BMPER: variants seen among roughly 807,000 people sequenced by gnomAD.
BMPER encodes BMP binding endothelial regulator, also known as BMP-binding endothelial regulator protein.
In BMPER, 45 loss-of-function variants were observed where a neutral mutation model predicts 87.3. The ratio of observed to expected loss-of-function variants is 0.52; its 90% confidence interval spans 0.41 to 0.66. The LOEUF is 0.66. Among genes scored for constraint, BMPER ranks in the 30% least tolerant of loss-of-function variants. BMPER has a pLI of 0.00. For missense variants in BMPER, 784 were observed against 867.5 expected (o/e 0.90, Z 1.21); for synonymous variants, 326 against 316.2 (o/e 1.03, Z -0.33).
chr7:33,954,453 C>T (rs962252538), intron 3 of BMPER, among the ~76,000 whole-genome samples: 3 of 152,090 alleles, frequency 2.0e-5, no homozygotes, highest in African/African-American at 7.2e-5. Context: ...GTTGATATCA[C>T]ATTAGTTGCC....
At chr7:33,974,218 G>A (rs543261639) in intron 5 of BMPER, among the ~76,000 whole-genome samples, 51 of 152,276 alleles carry the variant, frequency 3.3e-4, no homozygotes, top group African/African-American at 1.1e-3. Flanking sequence ...TACTTTGTAG[G>A]ATCATTGGGG....
intron 10 of BMPER, among the ~76,000 whole-genome samples, chr7:34,061,476 A>C (rs1056071362): frequency 6.6e-6 from 1 of 152,362 alleles, no homozygotes; most frequent in South Asian, 2.1e-4. Flanking sequence ...TTCTGAAACA[A>C]GAAATCTGAC....
At chr7:34,028,632 T>TTTTTTTTTTA (rs1554307073) in intron 6 of BMPER, among the ~76,000 whole-genome samples, 1 of 136,586 alleles carries the variant, frequency 7.3e-6, no homozygotes, top group African/African-American at 2.9e-5. Flanking sequence ...TTTTTTTTTT[T>TTTTTTTTTTA]TGTAGCATTA....
intron 6 of BMPER, among the ~76,000 whole-genome samples, chr7:33,994,524 G>A (rs1012562251): frequency 2.0e-5 from 3 of 152,262 alleles, no homozygotes; most frequent in East Asian, 1.9e-4. Context: ...ACTGTCTGGC[G>A]CTCCCTAGTG....
At chr7:34,091,420 T>C (rs922729778) in intron 13 of BMPER, among the ~76,000 whole-genome samples, 1 of 152,242 alleles carries the variant, frequency 6.6e-6, no homozygotes. Flanking sequence ...TGGGATGTTT[T>C]ATTTTAAAGT....
rs141630417 is a variant in BMPER at position 33,934,139 on chromosome 7, G to A, written c.220-3150G>A. ...GAGGGAGTCCTGAAGGCATGGCTTTGCGTGTGCCACTTCTCTCCAGAGCCA... is the reference window on the plus strand; with the variant it reads ...GAGGGAGTCCTGAAGGCATGGCTTTACGTGTGCCACTTCTCTCCAGAGCCA... On this transcript the variant is annotated intron_variant, in intron 2 of 14. Coordinates refer to ENST00000649409, the MANE Select transcript of BMPER (RefSeq NM_001365308.1). Among the ~76,000 whole-genome samples, 538 of 152,334 alleles carry A rather than the reference G, an allele frequency of 3.5e-3. 1 individual carries two copies. The highest frequency in any genetic ancestry group is 6.1e-3 in the Non-Finnish European group (417 of 68,032).
At position 33,965,101 on chromosome 7, in the gene BMPER, G is replaced by A. The variant is rs547464331; in HGVS notation, c.320-1378G>A. 5.3e-5 allele frequency among the ~76,000 whole-genome samples: 8 copies of A among 152,254 alleles called. No individual in the cohort carries two copies. In the East Asian group the frequency reaches 1.4e-3, roughly 26 times the overall value. On this transcript the variant is annotated intron_variant, in intron 3 of 14. Transcript: ENST00000649409. The stretch of plus-strand genomic sequence containing the variant: ...ATTTACTGTATTCATTCTCGATTTG[G>A]CATAAGTATTTGTAGTGTGCTAGGG...
intron 13 of BMPER, among the ~76,000 whole-genome samples, chr7:34,141,019 A>G (rs1387177436): frequency 6.6e-6 from 1 of 152,078 alleles, no homozygotes; most frequent in Non-Finnish European, 1.5e-5. Flanking sequence ...TGAAGTAGGA[A>G]TGGGATTACA....
intron 6 of BMPER, among the ~76,000 whole-genome samples, chr7:34,024,307 G>T (rs554436268): frequency 8.0e-6 from 1 of 125,498 alleles, no homozygotes; most frequent in South Asian, 2.8e-4. Flanking sequence ...GTAGTGAGCT[G>T]AGATTGCACC....
intron 6 of BMPER, among the ~76,000 whole-genome samples, chr7:33,998,683 C>T (rs995470273): frequency 6.6e-6 from 1 of 152,186 alleles, no homozygotes; most frequent in African/African-American, 2.4e-5. Context: ...GAATGGTGAG[C>T]TGGGCTGTTG....
At chr7:34,103,588 C>G (rs75131609) in intron 13 of BMPER, among the ~76,000 whole-genome samples, 3,482 of 152,232 alleles carry the variant, frequency 0.023, 121 homozygotes, top group African/African-American at 0.078. Context: ...GCCACTTCTC[C>G]CATTCCTCCT....
At position 34,014,039 on chromosome 7, in the gene BMPER, C is replaced by T. The variant is rs190140545; in HGVS notation, c.577-32267C>T. ...CCTCTTCTCTGATTACTTTGCCCAT[C>T]AGGGTAAGGACCCTCTCTGTAATTG... On this transcript the variant is annotated intron_variant, in intron 6 of 14. Coordinates refer to ENST00000649409, the MANE Select transcript of BMPER (RefSeq NM_001365308.1). Among the ~76,000 whole-genome samples the T allele has an allele frequency of 2.6e-5, 4 of 152,076 alleles. No individual in the cohort carries two copies. In the East Asian group the frequency reaches 5.8e-4, roughly 22 times the overall value.
rs1178599226 is a variant in BMPER, at chr7:33,905,607, G to C, written c.-7G>C. On this transcript the variant is annotated 5_prime_UTR_variant, in exon 1 of 15. Coordinates refer to ENST00000649409, the MANE Select transcript of BMPER (RefSeq NM_001365308.1). Reference sequence around the variant, plus strand: ...CTGCAGTCGCCAGGGATTCCCTCCAGGTGACGATGCTCTGGTTCTCCGGCG... The same window carrying C: ...CTGCAGTCGCCAGGGATTCCCTCCACGTGACGATGCTCTGGTTCTCCGGCG... 2 of 1,612,084 alleles carry C rather than the reference G, an allele frequency of 1.2e-6. No homozygotes were observed. The highest frequency in any genetic ancestry group is 8.5e-7 in the Non-Finnish European group (1 of 1,179,868).
intron 2 of BMPER, among the ~76,000 whole-genome samples, chr7:33,909,964 C>T (rs139592937): frequency 1.7e-3 from 260 of 152,274 alleles, no homozygotes; most frequent in Non-Finnish European, 2.6e-3. Flanking sequence ...ATTTATCATC[C>T]TCTGCGTAGA....
At chr7:33,978,618 G>A (rs1289650778) in intron 6 of BMPER, among the ~76,000 whole-genome samples, 1 of 152,124 alleles carries the variant, frequency 6.6e-6, no homozygotes, top group Non-Finnish European at 1.5e-5. Context: ...GTGGCAAAGT[G>A]GTCTTTAGCA....
At chr7:34,138,896 G>T (rs370812808) in intron 13 of BMPER, among the ~76,000 whole-genome samples, 1 of 152,252 alleles carries the variant, frequency 6.6e-6, no homozygotes. Flanking sequence ...ATAAATCTCA[G>T]TCACTCCCAG....
At chr7:33,964,147 G>A (rs1785343892) in intron 3 of BMPER, among the ~76,000 whole-genome samples, 1 of 152,102 alleles carries the variant, frequency 6.6e-6, no homozygotes, top group South Asian at 2.1e-4. Context: ...AATAACATGT[G>A]TATCTTAGAA....
intron 13 of BMPER, among the ~76,000 whole-genome samples, chr7:34,135,210 A>T (rs774988943): frequency 6.6e-6 from 1 of 152,186 alleles, no homozygotes; most frequent in Non-Finnish European, 1.5e-5. Context: ...ATGAACAAAA[A>T]TGGTTTGGTA....
rs1791292214 is a variant in BMPER, at chr7:34,155,844, C to T, written c.*2571C>T. The T allele has an allele frequency of 6.6e-6, 1 of 152,132 alleles. No homozygotes were observed. Among genetic ancestry groups the T allele is most frequent in the African/African-American group, 2.4e-5 (1 of 41,420 alleles). The allele number at this position is 152,132 out of a possible 1,614,324, so 9.4% of individuals were successfully genotyped here. A position where few individuals can be genotyped will look rare whatever the true frequency, so the allele number is the denominator to read the frequency against. Reference sequence around the variant, plus strand: ...ACTAAGCTCTTGCAGAGTGAGATGACTTGAAATAAAAATGTTCTATGAATA... The same window carrying T: ...ACTAAGCTCTTGCAGAGTGAGATGATTTGAAATAAAAATGTTCTATGAATA... On this transcript the variant is annotated 3_prime_UTR_variant, in exon 15 of 15. Coordinates refer to ENST00000649409, the MANE Select transcript of BMPER (RefSeq NM_001365308.1).
Sources: gnomAD v4.1 joint callset for allele counts (sites outside exome capture counted in the v4.1 genomes callset) on GRCh38, gnomAD v4.1.1 for gene constraint, MANE v1.5 for transcripts, NCBI Gene and HGNC (gene_info 2026-07-23, HGNC 2026-07-21) for gene names.